Variants in MRE11 observed in about 807,000 individuals in gnomAD.
MRE11 encodes MRE11 double strand break repair nuclease.
Under a neutral mutation model 91.7 loss-of-function variants are expected in MRE11, and 62 were observed. The ratio of observed to expected loss-of-function variants is 0.68; its 90% CI spans 0.55 to 0.84. MRE11 has a LOEUF of 0.84. Ranked by LOEUF, MRE11 falls within the 40% of genes least tolerant of loss-of-function variation. The probability of loss-of-function intolerance (pLI) is 0.00; values close to 1 mark genes in which losing one functional copy is unlikely to be tolerated. For missense variants in MRE11, 796 were observed against 852.9 expected (o/e 0.93, Z 0.83); for synonymous variants, 273 against 271.4 (o/e 1.01, Z -0.06).
intron 12 of MRE11, among the ~76,000 whole-genome samples, 190 bp from the exon 13 acceptor site, chr11:94,459,771 C>T (rs1378948671): frequency 1.3e-5 from 2 of 152,050 alleles, no homozygotes; most frequent in Non-Finnish European, 2.9e-5. Flanking sequence ...GTACAGGACA[C>T]GTGAAATGTA....
chr11:94,436,858 C>T (rs1048860700), intron 17 of MRE11, among the ~76,000 whole-genome samples: 4 of 152,196 alleles, frequency 2.6e-5, no homozygotes, highest in Non-Finnish European at 4.4e-5. Context: ...ATAGAAAAAA[C>T]CTCTATAACC....
intron 6 of MRE11, 71 bp downstream of exon 6, chr11:94,478,664 C>T: frequency 3.2e-6 from 5 of 1,575,116 alleles, no homozygotes; most frequent in Non-Finnish European, 4.3e-6. Flanking sequence ...CAGATACAAA[C>T]TTATCTCCAA....
chr11:94,477,801 AG>A (rs5793683), intron 6 of MRE11, among the ~76,000 whole-genome samples: 62,760 of 152,032 alleles, frequency 0.41, 13,183 homozygotes, highest in South Asian at 0.54. Flanking sequence ...AGAAGCTTAA[AG>A]GGAACAGTGT....
chr11:94,422,502 C>G (rs1413584959), intron 19 of MRE11, among the ~76,000 whole-genome samples: 1 of 152,014 alleles, frequency 6.6e-6, no homozygotes, highest in Non-Finnish European at 1.5e-5. Context: ...ATATCATCAT[C>G]ATCATCATCA....
intron 18 of MRE11, among the ~76,000 whole-genome samples, chr11:94,432,698 C>A (rs1013906494): frequency 6.6e-6 from 1 of 152,100 alleles, no homozygotes. Context: ...CCCAGCTATT[C>A]GGGAGGCTGA....
the MRE11 span, among the ~76,000 whole-genome samples, chr11:94,503,253 G>A: frequency 1.3e-5 from 2 of 152,088 alleles, no homozygotes; most frequent in Non-Finnish European, 2.9e-5. Context: ...GATCCTGGCA[G>A]CCACCATTCT....
At chr11:94,504,244 TTA>T in the MRE11 span, among the ~76,000 whole-genome samples, 449 of 152,302 alleles carry the variant, frequency 2.9e-3, 1 homozygote, top group African/African-American at 0.01. Context: ...TGTACATAAG[TTA>T]TATTTTTATG....
At chr11:94,480,093 G>A (rs1423986385) in intron 4 of MRE11, among the ~76,000 whole-genome samples, 1 of 152,014 alleles carries the variant, frequency 6.6e-6, no homozygotes, top group Non-Finnish European at 1.5e-5. Context: ...AGTGGGGGGA[G>A]GGAAGAAAAT....
chr11:94,456,451 A>C (rs879009929), intron 13 of MRE11, 113 bp from the exon 14 acceptor site: 34 of 770,430 alleles, frequency 4.4e-5, no homozygotes, highest in Middle Eastern at 3.0e-4. Flanking sequence ...CAAATTTAAC[A>C]ATGTCTCACA....
chr11:94,475,312 A>T (rs1234252275), intron 7 of MRE11: 2 of 199,208 alleles, frequency 1.0e-5, no homozygotes, highest in African/African-American at 4.6e-5. Context: ...TCTAGAGATG[A>T]TTTAAAGTAC....
chr11:94,503,690 C>G, the MRE11 span, among the ~76,000 whole-genome samples: 1 of 145,572 alleles, frequency 6.9e-6, no homozygotes, highest in African/African-American at 2.6e-5. Flanking sequence ...AGTGAGACTC[C>G]GTGTCAAAAA....
chr11:94,448,903 A>G (rs1364589743), intron 14 of MRE11, among the ~76,000 whole-genome samples: 4 of 152,236 alleles, frequency 2.6e-5, no homozygotes, highest in Non-Finnish European at 5.9e-5. Context: ...ATAAAATTAA[A>G]AAATAGTTCC....
the MRE11 span, among the ~76,000 whole-genome samples, chr11:94,511,955 A>C: frequency 6.6e-6 from 1 of 152,264 alleles, no homozygotes; most frequent in African/African-American, 2.4e-5. Context: ...AATGTGCTTA[A>C]TATAATAATT....
In MRE11 at chr11:94,419,158, A is replaced by C. The variant is rs1195931867; in HGVS notation, c.*967T>G. ...ATTTCTCCCCGAAAACAAGTAAAAA[A>C]TAGAAGCTTAACATGGGCTACTAAG... On this transcript the variant is annotated 3_prime_UTR_variant, in exon 20 of 20. Transcript: ENST00000323929. The C allele has an allele frequency of 4.3e-6, 1 of 232,702 alleles. No individual in the cohort carries two copies. The highest frequency in any genetic ancestry group is 8.5e-6 in the Non-Finnish European group (1 of 117,838). The allele number at this position is 232,702 out of a possible 1,614,324, so 14.4% of individuals were successfully genotyped here.
At chr11:94,426,481 T>TTG (rs1945320852) in intron 19 of MRE11, among the ~76,000 whole-genome samples, 2 of 134,270 alleles carry the variant, frequency 1.5e-5, no homozygotes, top group African/African-American at 5.5e-5. Context: ...AAATTAACAA[T>TTG]TTAACATTGT....
Position 94,467,820 on chromosome 11 carries a change from C to A in MRE11, c.1091G>T (p.Arg364Leu), listed in dbSNP as rs140528613. Residue 364 changes from arginine to leucine, a missense_variant, in exon 10 of 20, where the codon CGA becomes CTA. Coordinates refer to ENST00000323929, the MANE Select transcript of MRE11 (RefSeq NM_005591.4). ...TATATAAATAGGACTTACTCGCAGT[C>A]GTACAAGAGGCTTCTCTGGCTGGTG... is the stretch of plus-strand genomic sequence containing the variant. ...NSHQPEKPLV[R>L]LRVDYSGGFE... is the part of the protein sequence containing the mutation. 15 of 1,611,706 alleles carry A rather than the reference C, an allele frequency of 9.3e-6. No homozygotes were observed. The African/African-American group carries it at 2.0e-4, about 22-fold the overall frequency.
intron 14 of MRE11, among the ~76,000 whole-genome samples, chr11:94,449,086 G>T (rs1219242297): frequency 3.9e-5 from 6 of 152,064 alleles, no homozygotes; most frequent in Non-Finnish European, 8.8e-5. Context: ...GGCAGTTCTG[G>T]GTCTAAGAAT....
intron 16 of MRE11, among the ~76,000 whole-genome samples, chr11:94,439,258 T>G (rs558761089): frequency 6.6e-6 from 1 of 152,244 alleles, no homozygotes; most frequent in Admixed American, 6.5e-5. Flanking sequence ...AGTTACTACT[T>G]CACAGGTATT....
intron 13 of MRE11, among the ~76,000 whole-genome samples, chr11:94,457,170 C>T (rs1297452551): frequency 6.6e-6 from 1 of 152,146 alleles, no homozygotes; most frequent in Non-Finnish European, 1.5e-5. Context: ...TAACAAGAGT[C>T]TGGTATCCTG....
Sources: allele counts gnomAD v4.1 joint callset (sites outside exome capture counted in the v4.1 genomes callset), GRCh38; gene constraint gnomAD v4.1.1; transcripts MANE v1.5; gene names NCBI Gene and HGNC (gene_info 2026-07-23, HGNC 2026-07-21).